EPHA6: variants seen among roughly 807,000 people sequenced by gnomAD.
EPHA6 encodes the protein EPH receptor A6, also known as ephrin type-A receptor 6.
In EPHA6, 50 loss-of-function variants were observed where a neutral mutation model predicts 112.0. The ratio of observed to expected loss-of-function variants is 0.45; its 90% CI spans 0.36 to 0.56. EPHA6 has a LOEUF of 0.56. Among genes scored for constraint, EPHA6 ranks in the 20% least tolerant of loss-of-function variants. The pLI, the probability that EPHA6 is intolerant of heterozygous loss-of-function variation, is 0.00. For synonymous variants in EPHA6, 529 were observed against 490.7 expected (o/e 1.08, Z -1.03); for missense variants, 1,280 against 1,417.4 (o/e 0.90, Z 1.56).
chr3:97,621,293 A>G (rs2093812157), intron 13 of EPHA6, among the ~76,000 whole-genome samples: 1 of 151,834 alleles, frequency 6.6e-6, no homozygotes, highest in Non-Finnish European at 1.5e-5. Flanking sequence ...GAGGGAGAGG[A>G]TCAGGAAAAA....
At chr3:97,733,871 A>T (rs572193247) in intron 15 of EPHA6, among the ~76,000 whole-genome samples, 110 of 152,212 alleles carry the variant, frequency 7.2e-4, no homozygotes, top group Non-Finnish European at 1.4e-3. Context: ...AATCACTACT[A>T]AAATTGTATT....
intron 1 of EPHA6, among the ~76,000 whole-genome samples, chr3:96,823,969 C>T (rs949196953): frequency 1.3e-4 from 19 of 151,730 alleles, no homozygotes; most frequent in Middle Eastern, 3.4e-3. Context: ...GTTATTTTTA[C>T]GATACCATAG....
At position 97,319,078 on chromosome 3, in the gene EPHA6, G is replaced by T. The variant is rs564438848; in HGVS notation, c.1606+74791G>T. On this transcript the variant is annotated intron_variant, in intron 5 of 17. Transcript: ENST00000389672. ...TTCCTTTATATTGAGAGTTCTTAGAGAAATTCTCTTACGACATCACTTGTA... is the reference window on the plus strand; with the variant it reads ...TTCCTTTATATTGAGAGTTCTTAGATAAATTCTCTTACGACATCACTTGTA... Among the ~76,000 whole-genome samples, 13 of 151,682 alleles carry T rather than the reference G, an allele frequency of 8.6e-5. No homozygotes were observed. In the South Asian group the frequency reaches 2.7e-3, roughly 32 times the overall value.
chr3:97,381,192 G>T (rs536735685), intron 5 of EPHA6, among the ~76,000 whole-genome samples: 4 of 151,958 alleles, frequency 2.6e-5, no homozygotes, highest in Admixed American at 1.3e-4. Flanking sequence ...TGAGCTAAAA[G>T]AAATACATAA....
chr3:97,161,049 C>T (rs1243240997), intron 3 of EPHA6, among the ~76,000 whole-genome samples: 2 of 152,148 alleles, frequency 1.3e-5, no homozygotes, highest in East Asian at 3.9e-4. Flanking sequence ...ACTTACTTTG[C>T]ATTCAGGGCC....
rs539163826 is a variant in EPHA6 at position 97,442,811 on chromosome 3, A to G, written c.1732-5757A>G. 2.7e-3 allele frequency among the ~76,000 whole-genome samples: 411 copies of G among 152,264 alleles called. 2 individuals carry two copies. Among genetic ancestry groups the G allele is most frequent in the Non-Finnish European group, 4.2e-3 (288 of 68,006 alleles). On this transcript the variant is annotated intron_variant, in intron 6 of 17. Transcript: ENST00000389672. ...AGAACTCATTTTTAAAAGGGTCAGC[A>G]AAATAAAGTCCACGGGGTTCAGTGT...
rs2035888450 is a variant in EPHA6, at chr3:97,751,035, A to G, written c.*2334A>G. 6.6e-6 allele frequency among the ~76,000 whole-genome samples: 1 copy of G among 152,168 alleles called. No individual in the cohort carries two copies. Among genetic ancestry groups the G allele is most frequent in the Non-Finnish European group, 1.5e-5 (1 of 68,018 alleles). On this transcript the variant is annotated 3_prime_UTR_variant, in exon 18 of 18. Coordinates refer to ENST00000389672, the MANE Select transcript of EPHA6 (RefSeq NM_001080448.3). ...CATATTTACCTATCTTCAAATATAT[A>G]TTAAATAAGAACAGATATAAAACAG...
At chr3:97,367,298 C>G (rs1297276054) in intron 5 of EPHA6, among the ~76,000 whole-genome samples, 2 of 151,938 alleles carry the variant, frequency 1.3e-5, no homozygotes, top group Non-Finnish European at 2.9e-5. Flanking sequence ...TAAAGTAGCC[C>G]CCTACATCAG....
At chr3:97,329,687 G>C (rs554690215) in intron 5 of EPHA6, among the ~76,000 whole-genome samples, 2 of 151,996 alleles carry the variant, frequency 1.3e-5, no homozygotes, top group Non-Finnish European at 2.9e-5. Flanking sequence ...TTGTAAATTT[G>C]TTTGAGTTCA....
intron 2 of EPHA6, among the ~76,000 whole-genome samples, chr3:96,934,820 C>T (rs924120087): frequency 6.6e-6 from 1 of 151,146 alleles, no homozygotes; most frequent in Non-Finnish European, 1.5e-5. Flanking sequence ...GAAGGACAAT[C>T]AATCCTAAAT....
At chr3:97,168,762 C>T (rs1489998170) in intron 3 of EPHA6, among the ~76,000 whole-genome samples, 4 of 152,070 alleles carry the variant, frequency 2.6e-5, no homozygotes, top group African/African-American at 9.7e-5. Context: ...AGACCCTTTT[C>T]GTTATACCCA....
chr3:97,668,911 C>CAAAAA (rs397990599), intron 14 of EPHA6, among the ~76,000 whole-genome samples: 1,225 of 31,924 alleles, frequency 0.038, 398 homozygotes, highest in Middle Eastern at 0.12. Flanking sequence ...GACTCTGTCT[C>CAAAAA]AAAAAAAAAA....
Position 97,747,432 on chromosome 3 carries a change from G to A in EPHA6, c.3138G>A (p.Glu1046=). 1.9e-6 allele frequency: 3 copies of A among 1,554,914 alleles called. No individual in the cohort carries two copies. Among genetic ancestry groups the A allele is most frequent in the South Asian group, 1.2e-5 (1 of 83,208 alleles). Residue 1046 remains glutamate (E), a synonymous_variant, in exon 17 of 18, where the codon GAG becomes GAA. Transcript: ENST00000389672. ...TTTTGTTTTCTTACAGAATGCCAGA[G>A]TCCCCTGGTGAAGTTCCGGAATATC... ...TLVEDILVMP[E]SPGEVPEYPL...
intron 5 of EPHA6, among the ~76,000 whole-genome samples, chr3:97,370,319 C>T (rs1274921277): frequency 6.6e-6 from 1 of 152,206 alleles, no homozygotes; most frequent in African/African-American, 2.4e-5. Context: ...TTACTATATG[C>T]CAACTGTAGA....
intron 14 of EPHA6, among the ~76,000 whole-genome samples, chr3:97,639,952 GT>G (rs34823940): frequency 0.053 from 7,864 of 149,594 alleles, 658 homozygotes; most frequent in African/African-American, 0.18. Context: ...ATATAATCAA[GT>G]TTTTTTTTTT....
At chr3:97,684,241 T>G (rs571353338) in intron 14 of EPHA6, among the ~76,000 whole-genome samples, 1 of 152,240 alleles carries the variant, frequency 6.6e-6, no homozygotes, top group South Asian at 2.1e-4. Flanking sequence ...AATGGGTAAA[T>G]TAATGAATAT....
At chr3:97,175,912 T>G (rs1391134747) in intron 3 of EPHA6, among the ~76,000 whole-genome samples, 1 of 151,918 alleles carries the variant, frequency 6.6e-6, no homozygotes. Flanking sequence ...CTTTTCTGAT[T>G]GCTCTAGATA....
intron 6 of EPHA6, among the ~76,000 whole-genome samples, chr3:97,447,265 C>T (rs1445023355): frequency 1.3e-5 from 2 of 152,126 alleles, no homozygotes; most frequent in Non-Finnish European, 2.9e-5. Flanking sequence ...ACCTATTCTC[C>T]ATATGTGTAC....
chr3:97,274,793 A>G (rs1445192300), intron 5 of EPHA6, among the ~76,000 whole-genome samples: 1 of 152,166 alleles, frequency 6.6e-6, no homozygotes, highest in African/African-American at 2.4e-5. Flanking sequence ...GGTGAATATC[A>G]GGTGGATCAG....
Sources: gnomAD v4.1 joint callset for allele counts (sites outside exome capture counted in the v4.1 genomes callset) on GRCh38, gnomAD v4.1.1 for gene constraint, MANE v1.5 for transcripts, NCBI Gene and HGNC (gene_info 2026-07-23, HGNC 2026-07-21) for gene names.